The following ADGRD1 variants were observed in gnomAD, a reference collection of about 807,000 sequenced individuals.
ADGRD1 encodes adhesion G protein-coupled receptor D1, also known as G-protein coupled receptor 133.
Under a neutral mutation model 113.4 loss-of-function variants are expected in ADGRD1, and 77 were observed. The ratio of observed to expected loss-of-function variants is 0.68; its 90% CI spans 0.57 to 0.82. The LOEUF (loss-of-function observed/expected upper bound fraction) is 0.82. Ranked by LOEUF, ADGRD1 falls within the 40% of genes least tolerant of loss-of-function variation. The pLI, the probability that ADGRD1 is intolerant of heterozygous loss-of-function variation, is 0.00. For synonymous variants in ADGRD1, 474 were observed against 475.0 expected (o/e 1.00, Z 0.03); for missense variants, 1,036 against 1,139.1 (o/e 0.91, Z 1.30).
At chr12:131,062,013 TTTTG>T (rs1011083850) in intron 13 of ADGRD1, among the ~76,000 whole-genome samples, 15 of 152,302 alleles carry the variant, frequency 9.8e-5, no homozygotes, top group South Asian at 4.1e-4. Context: ...AGTTTGATTT[TTTTG>T]TTTGTTTGTT....
chr12:131,103,627 T>C (rs1950150045), intron 15 of ADGRD1, among the ~76,000 whole-genome samples: 1 of 152,218 alleles, frequency 6.6e-6, no homozygotes, highest in Non-Finnish European at 1.5e-5. Context: ...TCCTCCCTCA[T>C]TGCCAACAGC....
intron 3 of ADGRD1, chr12:130,968,918 C>T: frequency 2.2e-6 from 2 of 930,196 alleles, no homozygotes; most frequent in Non-Finnish European, 3.4e-6. Flanking sequence ...ATATGTTGGT[C>T]CCATTTGTCT....
At chr12:131,120,982 T>C (rs2137416173) in intron 20 of ADGRD1, 69 bp downstream of exon 20, 3 of 1,427,620 alleles carry the variant, frequency 2.1e-6, no homozygotes, top group Non-Finnish European at 2.9e-6. Context: ...TGTGGGGCTC[T>C]GGAGATGGCG....
At chr12:131,042,739 G>T (rs1413919087) in intron 13 of ADGRD1, among the ~76,000 whole-genome samples, 1 of 152,244 alleles carries the variant, frequency 6.6e-6, no homozygotes, top group Admixed American at 6.5e-5. Flanking sequence ...CCCCGGCATG[G>T]CGTCTGCAAC....
At chr12:131,133,490 G>T (rs1950990639) in intron 21 of ADGRD1, among the ~76,000 whole-genome samples, 1 of 152,220 alleles carries the variant, frequency 6.6e-6, no homozygotes, top group African/African-American at 2.4e-5. Flanking sequence ...GAGGTAGCGT[G>T]CCCCGGGAGA....
At chr12:131,051,779 C>T (rs1271552328) in intron 13 of ADGRD1, among the ~76,000 whole-genome samples, 1 of 152,204 alleles carries the variant, frequency 6.6e-6, no homozygotes, top group Non-Finnish European at 1.5e-5. Context: ...AGCTACCGCG[C>T]CCAGGCGATA....
intron 17 of ADGRD1, among the ~76,000 whole-genome samples, chr12:131,107,605 G>A (rs745739256): frequency 6.6e-6 from 1 of 152,228 alleles, no homozygotes; most frequent in South Asian, 2.1e-4. Flanking sequence ...TGCCTACAGG[G>A]TAAACCTTTG....
At chr12:131,065,536 T>G (rs538447636) in intron 13 of ADGRD1, among the ~76,000 whole-genome samples, 23 of 152,284 alleles carry the variant, frequency 1.5e-4, no homozygotes, top group African/African-American at 5.3e-4. Flanking sequence ...TGTCACTGTC[T>G]GTGTTTCCTG....
At chr12:131,037,174 AGG>A in intron 13 of ADGRD1, among the ~76,000 whole-genome samples, 5 of 117,676 alleles carry the variant, frequency 4.2e-5, no homozygotes, top group African/African-American at 1.7e-4. Flanking sequence ...TCACTGTCCC[AGG>A]CCTTACTGCA....
rs552443518 is a variant in ADGRD1 at position 131,133,994 on chromosome 12, A to G, written c.2268-2043A>G. On this transcript the variant is annotated intron_variant, in intron 21 of 24. Coordinates refer to ENST00000261654, the MANE Select transcript of ADGRD1 (RefSeq NM_198827.5). ...TCCCTGCCACCCCCCTACCCCAAGAAAAGTGGAGAATAGAATAAGTGAGGT... is the reference window on the plus strand; with the variant it reads ...TCCCTGCCACCCCCCTACCCCAAGAGAAGTGGAGAATAGAATAAGTGAGGT... Among the ~76,000 whole-genome samples, 8 of 152,348 alleles carry G rather than the reference A, an allele frequency of 5.3e-5. No individual in the cohort carries two copies. In the East Asian group the frequency reaches 1.5e-3, roughly 29 times the overall value.
intron 17 of ADGRD1, among the ~76,000 whole-genome samples, chr12:131,108,232 G>A (rs948008218): frequency 1.3e-5 from 2 of 152,206 alleles, no homozygotes; most frequent in African/African-American, 4.8e-5. Context: ...AGTCAATTTA[G>A]TTAGAACTAG....
At position 131,138,138 on chromosome 12, in the gene ADGRD1, T is replaced by A; in HGVS notation, c.2438T>A (p.Val813Glu). Residue 813 changes from valine (V) to glutamate (E), a missense_variant and splice_region_variant, in exon 24 of 25, where the codon GTG (valine) becomes GAG (glutamate). Physicochemically the swap from Val to Glu is moderately radical, Grantham distance 121 (BLOSUM62 -2). Coordinates refer to ENST00000261654, the MANE Select transcript of ADGRD1 (RefSeq NM_198827.5). ...FLFHCLLNSE[V>E]RAAFKHKTKV... Reference sequence around the variant, plus strand: ...CACGATCCCTTCCCCGCTTTCAAGGTGAGAGCCGCCTTCAAGCACAAAACC... The same window carrying A: ...CACGATCCCTTCCCCGCTTTCAAGGAGAGAGCCGCCTTCAAGCACAAAACC... 1 of 1,613,250 alleles carries A rather than the reference T, an allele frequency of 6.2e-7. No homozygotes were observed.
At chr12:131,089,917 C>T (rs965123616) in intron 15 of ADGRD1, among the ~76,000 whole-genome samples, 2 of 152,252 alleles carry the variant, frequency 1.3e-5, no homozygotes, top group African/African-American at 4.8e-5. Context: ...TCTGGATCCT[C>T]TATAGGCTGA....
Position 130,971,555 on chromosome 12 carries a change from C to T in ADGRD1, c.285C>T (p.Ser95=). The change falls in exon 4 of 25, where the codon AGC becomes AGT. Residue 95 remains serine, a synonymous_variant. Transcript: ENST00000261654. The surrounding 1 kb of genome is among the most constrained non-coding windows in gnomAD (Gnocchi z 4.2). ...YYGRYNSSCI[S]KPEQCGPEGV... is the part of the protein sequence containing the mutation. ...GCAGGTACAACAGCTCCTGCATCAGCAAGCCAGAGCAGTGTGGCCCTGAAG... is the reference window on the plus strand; with the variant it reads ...GCAGGTACAACAGCTCCTGCATCAGTAAGCCAGAGCAGTGTGGCCCTGAAG... 6.2e-7 allele frequency: 1 copy of T among 1,612,876 alleles called. No individual in the cohort carries two copies. The highest frequency in any genetic ancestry group is 8.5e-7 in the Non-Finnish European group (1 of 1,179,418).
At chr12:131,054,710 C>T (rs983664163) in intron 13 of ADGRD1, among the ~76,000 whole-genome samples, 1 of 152,234 alleles carries the variant, frequency 6.6e-6, no homozygotes, top group Non-Finnish European at 1.5e-5. Flanking sequence ...GCTCTCTCCT[C>T]TCCGGTCACT....
intron 4 of ADGRD1, chr12:130,978,250 T>G (rs1446128891): frequency 6.6e-6 from 1 of 152,224 alleles, no homozygotes; most frequent in Non-Finnish European, 1.5e-5. Flanking sequence ...GTCTTTGAGT[T>G]TGTTACGGTA....
At chr12:131,020,521 C>T (rs1195906) in intron 13 of ADGRD1, among the ~76,000 whole-genome samples, 91,871 of 152,144 alleles carry the variant, frequency 0.6, 28,281 homozygotes, top group East Asian at 0.78. Context: ...AGGAGGGAAA[C>T]GGAGGCACTG....
intron 13 of ADGRD1, among the ~76,000 whole-genome samples, chr12:131,058,665 T>G (rs548911081): frequency 2.0e-5 from 3 of 152,324 alleles, no homozygotes; most frequent in Admixed American, 2.0e-4. Flanking sequence ...ACAGTTCATT[T>G]CCTCCAGCTC....
intron 13 of ADGRD1, among the ~76,000 whole-genome samples, chr12:131,073,914 A>G (rs1275882634): frequency 6.6e-6 from 1 of 151,932 alleles, no homozygotes; most frequent in African/African-American, 2.4e-5. Context: ...CTCATGACCC[A>G]GTTGCCACTT....
Sources: gnomAD v4.1 joint callset for allele counts (sites outside exome capture counted in the v4.1 genomes callset) on GRCh38, gnomAD v4.1.1 for gene constraint, Gnocchi (gnomAD v3.1) non-coding constraint, MANE v1.5 for transcripts, NCBI Gene and HGNC (gene_info 2026-07-23, HGNC 2026-07-21) for gene names.